Variants in VPS13B observed in about 807,000 individuals in gnomAD.
VPS13B encodes the protein vacuolar protein sorting 13 homolog B, also known as intermembrane lipid transfer protein VPS13B.
VPS13B carries 285 observed loss-of-function variants against 426.4 expected under a neutral mutation model. The observed-to-expected ratio is 0.67, with a 90% CI of 0.61 to 0.74. The LOEUF (loss-of-function observed/expected upper bound fraction) is 0.74. VPS13B is among the 30% of genes least tolerant of loss of function. The pLI is 0.00. For synonymous variants in VPS13B, 1,676 were observed against 1,676.4 expected, an observed-to-expected ratio of 1.00 and a Z score of 0.01; for missense variants, 4,537 against 4,782.6, an observed-to-expected ratio of 0.95 and a Z score of 1.51.
intron 21 of VPS13B, among the ~76,000 whole-genome samples, chr8:99,420,005 A>C (rs1462580254): frequency 6.6e-6 from 1 of 152,172 alleles, no homozygotes; most frequent in Non-Finnish European, 1.5e-5. Context: ...TTAAAGGGAA[A>C]ATTTTAAAGT....
At chr8:99,696,993 A>T in intron 35 of VPS13B, 2 of 610,408 alleles carry the variant, frequency 3.3e-6, no homozygotes, top group Non-Finnish European at 6.2e-6. Flanking sequence ...GGCGTGTGGG[A>T]AGTGAGGTAT....
chr8:99,517,125 A>G (rs1399357435), intron 29 of VPS13B, among the ~76,000 whole-genome samples: 1 of 152,246 alleles, frequency 6.6e-6, no homozygotes, highest in Non-Finnish European at 1.5e-5. Context: ...AACATTAAAC[A>G]GTGGCAACTT....
intron 19 of VPS13B, among the ~76,000 whole-genome samples, chr8:99,370,853 G>A (rs74569023): frequency 0.017 from 2,575 of 151,986 alleles, 34 homozygotes; most frequent in Non-Finnish European, 0.027. Flanking sequence ...CAAGTCATCC[G>A]CCCATCTCGG....
intron 15 of VPS13B, among the ~76,000 whole-genome samples, chr8:99,164,238 T>C (rs1811859999): frequency 6.6e-6 from 1 of 152,040 alleles, no homozygotes; most frequent in Non-Finnish European, 1.5e-5. Context: ...AGGTTAGAAA[T>C]ACAGGGCCCA....
At chr8:99,612,219 A>G (rs1231492062) in intron 33 of VPS13B, among the ~76,000 whole-genome samples, 1 of 152,178 alleles carries the variant, frequency 6.6e-6, no homozygotes, top group Non-Finnish European at 1.5e-5. Flanking sequence ...TAAACTCTTT[A>G]AACTTCACTC....
chr8:99,693,498 C>T (rs1232778803), intron 35 of VPS13B, among the ~76,000 whole-genome samples: 2 of 81,756 alleles, frequency 2.4e-5, no homozygotes, highest in Non-Finnish European at 2.4e-5. Context: ...TTCAACAACC[C>T]TTCATGCTAA....
intron 43 of VPS13B, among the ~76,000 whole-genome samples, chr8:99,791,006 G>T (rs771778835): frequency 4.6e-5 from 7 of 152,172 alleles, no homozygotes. Flanking sequence ...GATAATCTAC[G>T]TACCCAGAGA....
intron 21 of VPS13B, among the ~76,000 whole-genome samples, chr8:99,403,403 G>A (rs1815153096): frequency 6.6e-6 from 1 of 152,028 alleles, no homozygotes; most frequent in Non-Finnish European, 1.5e-5. Context: ...ACAAAAATTA[G>A]CCAGGTGTTG....
intron 29 of VPS13B, among the ~76,000 whole-genome samples, chr8:99,515,226 C>T (rs901379858): frequency 6.6e-5 from 10 of 152,120 alleles, no homozygotes; most frequent in African/African-American, 1.9e-4. Flanking sequence ...TTGTTTTGGG[C>T]TTATTGTGTT....
chr8:99,282,371 A>G (rs1819214052), intron 19 of VPS13B, among the ~76,000 whole-genome samples: 1 of 152,170 alleles, frequency 6.6e-6, no homozygotes, highest in South Asian at 2.1e-4. Flanking sequence ...TACAATATAT[A>G]TACTTCTCAG....
chr8:99,019,475 C>G (rs1020658588), intron 2 of VPS13B, among the ~76,000 whole-genome samples: 1 of 152,108 alleles, frequency 6.6e-6, no homozygotes, highest in African/African-American at 2.4e-5. Context: ...GCTGGGCTTA[C>G]AAGCATGAGC....
intron 54 of VPS13B, among the ~76,000 whole-genome samples, chr8:99,837,551 C>T (rs1815459118): frequency 6.6e-6 from 1 of 152,164 alleles, no homozygotes; most frequent in South Asian, 2.1e-4. Context: ...TTCCTCAAAA[C>T]TTTGTAGTCA....
intron 44 of VPS13B, among the ~76,000 whole-genome samples, chr8:99,811,458 G>GA (rs530595958): frequency 1.0e-3 from 153 of 152,270 alleles, no homozygotes; most frequent in African/African-American, 3.5e-3. Flanking sequence ...TTAAAACACA[G>GA]ATTGCTGGGT....
At chr8:99,708,723 A>T (rs902395045) in intron 36 of VPS13B, among the ~76,000 whole-genome samples, 3 of 152,080 alleles carry the variant, frequency 2.0e-5, no homozygotes, top group Non-Finnish European at 4.4e-5. Flanking sequence ...TTTACAGCTT[A>T]AATGTCAGTG....
chr8:99,100,918 C>T (rs1252779282), intron 4 of VPS13B, among the ~76,000 whole-genome samples: 1 of 151,812 alleles, frequency 6.6e-6, no homozygotes, highest in Non-Finnish European at 1.5e-5. Flanking sequence ...GTGGCACGTG[C>T]CTGTAATCCT....
At chr8:99,339,313 A>G (rs1588268779) in intron 19 of VPS13B, among the ~76,000 whole-genome samples, 1 of 152,172 alleles carries the variant, frequency 6.6e-6, no homozygotes, top group Non-Finnish European at 1.5e-5. Flanking sequence ...CAGGAACGTG[A>G]TGCTGGCATC....
intron 21 of VPS13B, among the ~76,000 whole-genome samples, chr8:99,425,684 C>A (rs908081677): frequency 1.3e-5 from 2 of 152,128 alleles, no homozygotes; most frequent in African/African-American, 4.8e-5. Flanking sequence ...CTCACCACTC[C>A]TGTTCAACAT....
chr8:99,014,678 C>T (rs1841518991), intron 2 of VPS13B, among the ~76,000 whole-genome samples: 2 of 100,970 alleles, frequency 2.0e-5, no homozygotes, highest in African/African-American at 4.1e-5. Context: ...TTGTGGGGGT[C>T]GAGGAAAAAA....
Position 99,875,411 on chromosome 8 carries a change from A to C in VPS13B, c.11746-7A>C, listed in dbSNP as rs1817651650. 8 of 1,614,160 alleles carry C rather than the reference A, an allele frequency of 5.0e-6. No homozygotes were observed. The highest frequency in any genetic ancestry group is 5.9e-6 in the Non-Finnish European group (7 of 1,180,020). ...GGCAACTAATCTTTATTATTTTTGG[A>C]TCCTAGGTAGATGGAGTCCGAGAGA... On this transcript the variant is annotated splice_polypyrimidine_tract_variant and splice_region_variant and intron_variant, in intron 61 of 61. Transcript: ENST00000357162.
Sources: gnomAD v4.1 joint callset for allele counts (sites outside exome capture counted in the v4.1 genomes callset) on GRCh38, gnomAD v4.1.1 for gene constraint, MANE v1.5 for transcripts, NCBI Gene and HGNC (gene_info 2026-07-23, HGNC 2026-07-21) for gene names.